NAE1: variants seen among roughly 807,000 people sequenced by gnomAD.
The protein encoded by NAE1 is NEDD8 activating enzyme E1 subunit 1.
NAE1 carries 59 observed loss-of-function variants against 88.0 expected under a neutral mutation model. The observed-to-expected ratio is 0.67, with a 90% CI of 0.54 to 0.83. NAE1 has a LOEUF of 0.83. Among genes scored for constraint, NAE1 ranks in the 40% least tolerant of loss-of-function variants. The pLI, the probability that NAE1 is intolerant of heterozygous loss-of-function variation, is 0.00. For synonymous variants in NAE1, 186 were observed against 208.9 expected (o/e 0.89, Z 0.95); for missense variants, 554 against 632.8 (o/e 0.88, Z 1.34).
chr16:66,817,709 A>G (rs1263145433), intron 8 of NAE1, among the ~76,000 whole-genome samples: 1 of 152,102 alleles, frequency 6.6e-6, no homozygotes, highest in Non-Finnish European at 1.5e-5. Context: ...TTATACCAGC[A>G]AAACAGTCTC....
At chr16:66,820,778 G>C (rs1472671883) in intron 7 of NAE1, among the ~76,000 whole-genome samples, 1 of 151,894 alleles carries the variant, frequency 6.6e-6, no homozygotes, top group Non-Finnish European at 1.5e-5. Flanking sequence ...GCGGGCGCCT[G>C]TAGTCCCAGC....
chr16:66,830,857 G>A lies in NAE1; in HGVS notation c.43C>T (p.Arg15Trp). Residue 15 changes from arginine (R) to tryptophan (W), a missense_variant, in exon 1 of 20, where the codon CGG (arginine) becomes TGG (tryptophan). Coordinates refer to ENST00000290810, the MANE Select transcript of NAE1 (RefSeq NM_003905.4). ...GKLLKEQKYD[R>W]QLRLWGDHGQ... ...TGAGCCTCGGCTCACCTCAGCTGCC[G>A]GTCGTACTTCTGCTCCTTGAGCAGC... 1.3e-6 allele frequency: 2 copies of A among 1,526,552 alleles called. No homozygotes were observed. Among genetic ancestry groups the A allele is most frequent in the Non-Finnish European group, 1.7e-6 (2 of 1,145,672 alleles). 94.6% of individuals were successfully genotyped at this position (1,526,552 alleles called of 1,614,324 possible).
intron 14 of NAE1, 24 bp from the exon 15 acceptor site, chr16:66,810,437 C>T (rs1406156072): frequency 6.3e-7 from 1 of 1,585,320 alleles, no homozygotes; most frequent in East Asian, 2.2e-5. Flanking sequence ...AATACAGATT[C>T]TGTTCCAGTT....
intron 8 of NAE1, 89 bp from the exon 9 acceptor site, chr16:66,817,576 T>C (rs1960096759): frequency 1.1e-6 from 1 of 891,526 alleles, no homozygotes; most frequent in Admixed American, 3.0e-5. Flanking sequence ...ACAATATTTA[T>C]GATCTCCTAA....
At chr16:66,810,814 T>C in intron 13 of NAE1, 42 bp from the exon 14 acceptor site, 7 of 1,572,272 alleles carry the variant, frequency 4.5e-6, no homozygotes, top group Admixed American at 1.7e-5. Flanking sequence ...ATTTTTAAAT[T>C]AGCAAAATTT....
At chr16:66,805,604 C>T in intron 19 of NAE1, 173 bp downstream of exon 19, 1 of 505,038 alleles carries the variant, frequency 2.0e-6, no homozygotes, top group Non-Finnish European at 3.1e-6. Context: ...CATCAATACA[C>T]TCCAACCTGG....
rs201687279 is a variant in NAE1 at position 66,822,582 on chromosome 16, T to TA, written c.401+644dup. On this transcript the variant is annotated intron_variant, in intron 6 of 19. Coordinates refer to ENST00000290810, the MANE Select transcript of NAE1 (RefSeq NM_003905.4). ...CAAGACTCTGTCTAAAGAATAATAA[T>TA]AAAAAAAAAAGTTTCAGTATTTTTC... 1.9e-3 allele frequency among the ~76,000 whole-genome samples: 277 copies of TA among 146,146 alleles called. 1 individual carries two copies. The highest frequency in any genetic ancestry group is 3.0e-3 in the Non-Finnish European group (198 of 66,154).
chr16:66,813,655 C>T lies in NAE1; in HGVS notation c.943G>A (p.Val315Met). The T allele has an allele frequency of 6.2e-7, 1 of 1,613,992 alleles. No individual in the cohort carries two copies. Among genetic ancestry groups the T allele is most frequent in the South Asian group, 1.1e-5 (1 of 91,046 alleles). ...WILARALKEFVAKEGQGNLPV... is the reference protein window; with the variant it reads ...WILARALKEFMAKEGQGNLPV... ...AAATTTCCTTGACCCTCTTTGGCCA[C>T]AAATTCCTTTAAGGCACGAGCTAAA... Residue 315 changes from valine (V) to methionine (M), a missense_variant, in exon 13 of 20, where the codon GTG (valine) becomes ATG (methionine). Transcript: ENST00000290810.
chr16:66,814,943 TC>T (rs1446982109), intron 11 of NAE1, among the ~76,000 whole-genome samples: 2 of 152,190 alleles, frequency 1.3e-5, no homozygotes, highest in Non-Finnish European at 2.9e-5. Context: ...TCAAGCTTCA[TC>T]CCACTTCTGG....
At chr16:66,805,293 T>C (rs1959518181) in intron 19 of NAE1, among the ~76,000 whole-genome samples, 2 of 152,012 alleles carry the variant, frequency 1.3e-5, no homozygotes, top group Admixed American at 6.6e-5. Context: ...TAGAGTGTTA[T>C]GTATATTGGT....
chr16:66,813,459 T>G, intron 13 of NAE1, 105 bp downstream of exon 13: 7 of 1,347,886 alleles, frequency 5.2e-6, no homozygotes, highest in Non-Finnish European at 7.1e-6. Flanking sequence ...TTATAAGCAA[T>G]GAGGTTGTAA....
chr16:66,830,099 C>G (rs1170887075), intron 1 of NAE1, among the ~76,000 whole-genome samples: 1 of 152,020 alleles, frequency 6.6e-6, no homozygotes, highest in Non-Finnish European at 1.5e-5. Context: ...GTTGCCCAGG[C>G]TGGTCTCGAA....
At chr16:66,823,434 T>C in intron 5 of NAE1, 95 bp downstream of exon 5, 1 of 1,335,294 alleles carries the variant, frequency 7.5e-7, no homozygotes, top group Non-Finnish European at 1.0e-6. Context: ...TAATCATAAA[T>C]GACACAAAGA....
In NAE1 at chr16:66,809,083, G is replaced by C; in HGVS notation, c.1151-8C>G. On this transcript the variant is annotated splice_polypyrimidine_tract_variant and splice_region_variant and intron_variant, in intron 15 of 19. Coordinates refer to ENST00000290810, the MANE Select transcript of NAE1 (RefSeq NM_003905.4). ...GAAATGCAGAATTGCTGCCTGAACAGAGGAAAGATATTCTGGAAGTAATGA... is the reference window on the plus strand; with the variant it reads ...GAAATGCAGAATTGCTGCCTGAACACAGGAAAGATATTCTGGAAGTAATGA... 6.2e-7 allele frequency: 1 copy of C among 1,601,100 alleles called. No individual in the cohort carries two copies. The highest frequency in any genetic ancestry group is 8.5e-7 in the Non-Finnish European group (1 of 1,170,926).
chr16:66,825,130 A>C (rs1162503560), intron 3 of NAE1, among the ~76,000 whole-genome samples: 1 of 152,182 alleles, frequency 6.6e-6, no homozygotes, highest in African/African-American at 2.4e-5. Context: ...CCTCTGAGAG[A>C]AAAGGGTTCC....
intron 4 of NAE1, 85 bp from the exon 5 acceptor site, chr16:66,823,685 C>G (rs898194172): frequency 4.8e-6 from 5 of 1,033,600 alleles, no homozygotes; most frequent in Non-Finnish European, 7.0e-6. Flanking sequence ...GGCAAACATA[C>G]TGTAAAACTA....
In NAE1 at chr16:66,821,576, A is replaced by C; in HGVS notation, c.402-17T>G. On this transcript the variant is annotated splice_polypyrimidine_tract_variant and intron_variant, in intron 6 of 19. Coordinates refer to ENST00000290810, the MANE Select transcript of NAE1 (RefSeq NM_003905.4). The stretch of plus-strand genomic sequence containing the variant: ...AGTGAAGTGCTGTTTAAAAAAAAAA[A>C]GCAAAATATGAACATAAGCAAATGG... 6.6e-7 allele frequency: 1 copy of C among 1,520,222 alleles called. No individual in the cohort carries two copies. Among genetic ancestry groups the C allele is most frequent in the South Asian group, 1.2e-5 (1 of 80,266 alleles). The allele number at this position is 1,520,222 out of a possible 1,614,324, so 94.2% of individuals were successfully genotyped here.
chr16:66,810,658 G>T, intron 14 of NAE1, 39 bp downstream of exon 14: 1 of 1,566,836 alleles, frequency 6.4e-7, no homozygotes, highest in Non-Finnish European at 8.8e-7. Flanking sequence ...GGAGTTACGT[G>T]CTGAGGCCTG....
chr16:66,830,162 C>G (rs572050449), intron 1 of NAE1, among the ~76,000 whole-genome samples: 1 of 152,164 alleles, frequency 6.6e-6, no homozygotes, highest in Non-Finnish European at 1.5e-5. Context: ...GCTGGGATTA[C>G]AGGCGTGAGC....
Sources: allele counts gnomAD v4.1 joint callset (sites outside exome capture counted in the v4.1 genomes callset), GRCh38; gene constraint gnomAD v4.1.1; transcripts MANE v1.5; gene names NCBI Gene and HGNC (gene_info 2026-07-23, HGNC 2026-07-21).